Variants in HEMK2 observed in about 807,000 individuals in gnomAD.
HEMK2 encodes the protein methyltransferase HEMK2.
At chr21:28,769,752 C>T in the HEMK2 span, among the ~76,000 whole-genome samples, 2 of 152,236 alleles carry the variant, frequency 1.3e-5, no homozygotes, top group East Asian at 1.9e-4. Context: ...CCTGCACATA[C>T]TAAAGTTATC....
the HEMK2 span, among the ~76,000 whole-genome samples, chr21:28,766,616 A>T: frequency 6.6e-6 from 1 of 152,058 alleles, no homozygotes; most frequent in African/African-American, 2.4e-5. Flanking sequence ...ATGCCCATCA[A>T]CCAACGAATA....
the HEMK2 span, among the ~76,000 whole-genome samples, chr21:28,579,323 C>T: frequency 5.9e-5 from 9 of 152,168 alleles, no homozygotes; most frequent in Admixed American, 2.6e-4. Flanking sequence ...TATATATACA[C>T]GTGCATATGT....
the HEMK2 span, among the ~76,000 whole-genome samples, chr21:28,645,123 G>A: frequency 3.2e-4 from 48 of 152,236 alleles, no homozygotes; most frequent in East Asian, 2.1e-3. Flanking sequence ...CTCCTTTTGG[G>A]AGTTCCAGAT....
chr21:28,867,628 C>G, the HEMK2 span, among the ~76,000 whole-genome samples: 1 of 152,170 alleles, frequency 6.6e-6, no homozygotes, highest in African/African-American at 2.4e-5. Context: ...AGTATTCATA[C>G]AACAATTAGC....
At chr21:28,605,099 A>G in the HEMK2 span, among the ~76,000 whole-genome samples, 3 of 152,356 alleles carry the variant, frequency 2.0e-5, no homozygotes, top group East Asian at 5.8e-4. Context: ...CATAATTTCA[A>G]ACATTCAGGC....
chr21:28,772,331 A>G, the HEMK2 span, among the ~76,000 whole-genome samples: 1 of 152,194 alleles, frequency 6.6e-6, no homozygotes, highest in Non-Finnish European at 1.5e-5. Context: ...AGTGAACAAA[A>G]TATTTTAATT....
At chr21:28,688,449 G>A in the HEMK2 span, among the ~76,000 whole-genome samples, 1 of 152,102 alleles carries the variant, frequency 6.6e-6, no homozygotes, top group Non-Finnish European at 1.5e-5. Context: ...GCAGGTCTGG[G>A]AGAAGCTGTT....
the HEMK2 span, among the ~76,000 whole-genome samples, chr21:28,706,728 T>C: frequency 6.6e-6 from 1 of 152,290 alleles, no homozygotes; most frequent in Admixed American, 6.5e-5. Flanking sequence ...ATAAGCCCAG[T>C]TTATAAAATT....
chr21:28,637,780 T>C, the HEMK2 span, among the ~76,000 whole-genome samples: 1 of 152,232 alleles, frequency 6.6e-6, no homozygotes, highest in Non-Finnish European at 1.5e-5. Context: ...TTTTAAGTTT[T>C]ACATTTTGAA....
the HEMK2 span, among the ~76,000 whole-genome samples, chr21:28,655,379 A>G: frequency 6.6e-6 from 1 of 152,072 alleles, no homozygotes; most frequent in Non-Finnish European, 1.5e-5. Flanking sequence ...CTGCATAAAA[A>G]TTTGCTATAA....
chr21:28,778,968 G>A, the HEMK2 span, among the ~76,000 whole-genome samples: 3 of 151,926 alleles, frequency 2.0e-5, no homozygotes, highest in East Asian at 5.8e-4. Flanking sequence ...TTCCTCTTAC[G>A]CATCACGTTT....
the HEMK2 span, among the ~76,000 whole-genome samples, chr21:28,841,350 A>ATATATAATATAT: frequency 1.3e-4 from 2 of 15,272 alleles, 1 homozygote; most frequent in East Asian, 0.013. Context: ...TTATATATAT[A>ATATATAATATAT]AATATTATAT....
the HEMK2 span, among the ~76,000 whole-genome samples, chr21:28,739,044 C>T: frequency 0.014 from 2,061 of 152,236 alleles, 24 homozygotes; most frequent in Middle Eastern, 0.024. Flanking sequence ...ATATAAATAT[C>T]GCCCTTTCCA....
At chr21:28,616,406 C>T in the HEMK2 span, among the ~76,000 whole-genome samples, 1 of 151,886 alleles carries the variant, frequency 6.6e-6, no homozygotes, top group African/African-American at 2.4e-5. Flanking sequence ...ATGAACCGTG[C>T]CTAAAATGTA....
At chr21:28,821,098 T>A in the HEMK2 span, among the ~76,000 whole-genome samples, 307 of 152,340 alleles carry the variant, frequency 2.0e-3, 5 homozygotes, top group Admixed American at 0.017. Context: ...ATGCCTGAAA[T>A]GCAGTTTTTG....
chr21:28,632,096 C>T, the HEMK2 span, among the ~76,000 whole-genome samples: 2 of 152,120 alleles, frequency 1.3e-5, no homozygotes, highest in Admixed American at 6.5e-5. Flanking sequence ...GAAGTAAAGG[C>T]GAAAGTTTGT....
chr21:28,707,243 T>C, the HEMK2 span, among the ~76,000 whole-genome samples: 3 of 150,668 alleles, frequency 2.0e-5, no homozygotes, highest in Middle Eastern at 3.4e-3. Context: ...CTTAGAAGAG[T>C]TGCACAATTT....
the HEMK2 span, among the ~76,000 whole-genome samples, chr21:28,664,078 A>G: frequency 6.6e-6 from 1 of 152,194 alleles, no homozygotes; most frequent in African/African-American, 2.4e-5. Context: ...GCAAAATAAA[A>G]CGTGTAGACA....
chr21:28,630,513 A>C, the HEMK2 span, among the ~76,000 whole-genome samples: 3 of 152,084 alleles, frequency 2.0e-5, no homozygotes, highest in Non-Finnish European at 4.4e-5. Flanking sequence ...ACAATAGCAA[A>C]GACTTGGAAC....
Sources: allele counts gnomAD v4.1 joint callset (sites outside exome capture counted in the v4.1 genomes callset), GRCh38; gene constraint gnomAD v4.1.1; transcripts MANE v1.5; gene names NCBI Gene and HGNC (gene_info 2026-07-23, HGNC 2026-07-21).